DTNB: variants seen among roughly 807,000 people sequenced by gnomAD.
DTNB encodes dystrobrevin beta, also known as DTN-B.
Under a neutral mutation model 90.7 loss-of-function variants are expected in DTNB, and 63 were observed. That is an observed-to-expected ratio of 0.69 (90% confidence interval 0.57 to 0.86). The LOEUF (loss-of-function observed/expected upper bound fraction) is 0.86, where lower values mean the gene tolerates loss of function less well. Ranked by LOEUF, DTNB falls within the 40% of genes least tolerant of loss-of-function variation. The probability of loss-of-function intolerance (pLI) is 0.00; values close to 1 mark genes in which losing one functional copy is unlikely to be tolerated. For synonymous variants in DTNB, 277 were observed against 286.7 expected, an observed-to-expected ratio of 0.97 and a Z score of 0.34; for missense variants, 744 against 807.1, an observed-to-expected ratio of 0.92 and a Z score of 0.95.
At chr2:25,405,264 GGTGTGGTGGCTCACGCCTGT>G (rs2044805710) in intron 16 of DTNB, among the ~76,000 whole-genome samples, 2 of 152,188 alleles carry the variant, frequency 1.3e-5, no homozygotes, top group South Asian at 4.1e-4. Context: ...GTTCTGGCGG[GGTGTGGTGGCTCACGCCTGT>G]AATTCTGGCA....
intron 4 of DTNB, among the ~76,000 whole-genome samples, chr2:25,610,275 T>G (rs2068243723): frequency 6.6e-6 from 1 of 152,196 alleles, no homozygotes; most frequent in Non-Finnish European, 1.5e-5. Context: ...CACACCTGGC[T>G]TGAAAGATTT....
intron 8 of DTNB, among the ~76,000 whole-genome samples, chr2:25,558,990 G>A (rs1377373646): frequency 6.6e-6 from 1 of 152,050 alleles, no homozygotes; most frequent in Non-Finnish European, 1.5e-5. Flanking sequence ...CCATCAACAA[G>A]AGTAAAAAGA....
At chr2:25,434,742 G>A (rs2055132095) in intron 12 of DTNB, among the ~76,000 whole-genome samples, 1 of 152,028 alleles carries the variant, frequency 6.6e-6, no homozygotes, top group African/African-American at 2.4e-5. Context: ...TAAAATTGCT[G>A]AATTATATGA....
chr2:25,547,157 A>C (rs1219834049), intron 8 of DTNB, among the ~76,000 whole-genome samples: 2 of 151,956 alleles, frequency 1.3e-5, no homozygotes, highest in Non-Finnish European at 2.9e-5. Context: ...CCAGACTTTC[A>C]ATTATTTTAA....
At chr2:25,553,741 C>CAAAAA (rs1184090329) in intron 8 of DTNB, among the ~76,000 whole-genome samples, 37 of 39,024 alleles carry the variant, frequency 9.5e-4, no homozygotes, top group African/African-American at 3.4e-3. Context: ...AACTCCTTCT[C>CAAAAA]AAAAAAAAAA....
chr2:25,382,915 T>C (rs937092585), intron 19 of DTNB, among the ~76,000 whole-genome samples: 3 of 152,182 alleles, frequency 2.0e-5, no homozygotes, highest in Non-Finnish European at 4.4e-5. Flanking sequence ...CGAATCTGTC[T>C]CACAGTGTTA....
intron 8 of DTNB, among the ~76,000 whole-genome samples, chr2:25,565,656 T>G (rs918342958): frequency 1.3e-5 from 2 of 152,164 alleles, no homozygotes; most frequent in African/African-American, 4.8e-5. Context: ...GTCAAATTCC[T>G]TTTTCATATT....
chr2:25,601,502 CAT>C (rs1333133808), intron 5 of DTNB, among the ~76,000 whole-genome samples: 11 of 152,200 alleles, frequency 7.2e-5, no homozygotes, highest in Non-Finnish European at 1.5e-4. Context: ...ACCATCATCA[CAT>C]ATGTCTTGAT....
chr2:25,463,283 TTC>T (rs902474113), intron 10 of DTNB, among the ~76,000 whole-genome samples: 24 of 152,300 alleles, frequency 1.6e-4, no homozygotes, highest in African/African-American at 5.1e-4. Context: ...TCTTTTTAAT[TTC>T]TCTCTTTTCC....
chr2:25,609,842 C>T (rs983464865), intron 4 of DTNB, among the ~76,000 whole-genome samples: 1 of 151,378 alleles, frequency 6.6e-6, no homozygotes, highest in African/African-American at 2.4e-5. Flanking sequence ...AACCACTGAC[C>T]CAAAACAAAT....
chr2:25,403,081 T>C (rs1489735976), intron 16 of DTNB, among the ~76,000 whole-genome samples: 1 of 152,226 alleles, frequency 6.6e-6, no homozygotes, highest in Non-Finnish European at 1.5e-5. Context: ...TGTTTGTTTC[T>C]CCCAGTTTGC....
At chr2:25,581,422 A>G (rs1169424038) in intron 6 of DTNB, among the ~76,000 whole-genome samples, 1 of 152,274 alleles carries the variant, frequency 6.6e-6, no homozygotes, top group Non-Finnish European at 1.5e-5. Flanking sequence ...TAATTTGACA[A>G]CATCATAGAG....
chr2:25,518,053 G>T (rs752687583), intron 9 of DTNB, among the ~76,000 whole-genome samples: 1 of 152,088 alleles, frequency 6.6e-6, no homozygotes, highest in Non-Finnish European at 1.5e-5. Context: ...GTGGTCACAG[G>T]GGGTGGAGGG....
intron 12 of DTNB, among the ~76,000 whole-genome samples, chr2:25,437,550 C>T (rs1471813770): frequency 6.6e-6 from 1 of 152,130 alleles, no homozygotes; most frequent in African/African-American, 2.4e-5. Context: ...GCATGAGCCA[C>T]CGCACTCAGC....
At position 25,596,250 on chromosome 2, in the gene DTNB, CA is replaced by C. The variant is rs754010297; in HGVS notation, c.449-11del. 7 of 1,594,524 alleles carry C rather than the reference CA, an allele frequency of 4.4e-6. No homozygotes were observed. Among genetic ancestry groups the C allele is most frequent in the Middle Eastern group, 1.7e-4 (1 of 5,958 alleles). On this transcript the variant is annotated splice_polypyrimidine_tract_variant and intron_variant, in intron 5 of 20. Transcript: ENST00000406818. Reference sequence around the variant, plus strand: ...ATCTGGGAGAAAACATCTATGAGAACAAAACCAAATAAAGTCAAGCTATAAG... The same window carrying C: ...ATCTGGGAGAAAACATCTATGAGAACAAACCAAATAAAGTCAAGCTATAAG...
At chr2:25,592,189 A>G in intron 6 of DTNB, among the ~76,000 whole-genome samples, 1 of 151,982 alleles carries the variant, frequency 6.6e-6, no homozygotes, top group Non-Finnish European at 1.5e-5. Flanking sequence ...AACTCCAGAC[A>G]TACCATCTCT....
intron 2 of DTNB, among the ~76,000 whole-genome samples, chr2:25,650,855 C>T (rs191107059): frequency 4.9e-4 from 74 of 151,924 alleles, no homozygotes; most frequent in African/African-American, 1.5e-3. Flanking sequence ...CAGCTACTCA[C>T]GAGGCTGAAG....
intron 12 of DTNB, among the ~76,000 whole-genome samples, chr2:25,448,855 CAAAAA>C (rs57986514): frequency 1.3e-5 from 1 of 79,550 alleles, no homozygotes. Context: ...GATTCCATCT[CAAAAA>C]AAAAAAAAAA....
At chr2:25,625,839 C>T (rs983881537) in intron 4 of DTNB, among the ~76,000 whole-genome samples, 7 of 151,988 alleles carry the variant, frequency 4.6e-5, no homozygotes, top group African/African-American at 1.2e-4. Flanking sequence ...CCCCAAGGTA[C>T]GGTATTAGAA....
Sources: allele counts gnomAD v4.1 joint callset (sites outside exome capture counted in the v4.1 genomes callset), GRCh38; gene constraint gnomAD v4.1.1; transcripts MANE v1.5; gene names NCBI Gene and HGNC (gene_info 2026-07-23, HGNC 2026-07-21).